Variants in IGFL2 observed in about 807,000 individuals in gnomAD.
IGFL2 encodes the protein insulin growth factor-like family member 2.
Under a neutral mutation model 13.9 loss-of-function variants are expected in IGFL2, and 7 were observed. The observed-to-expected ratio is 0.51, with a 90% CI of 0.29 to 0.95. The LOEUF is 0.95. Ranked by LOEUF, IGFL2 falls within the 40% of genes least tolerant of loss-of-function variation. The pLI is 0.08. For synonymous variants in IGFL2, 55 were observed against 55.8 expected (o/e 0.99, Z 0.07); for missense variants, 138 against 147.8 (o/e 0.93, Z 0.34).
At chr19:46,190,551 C>T in the IGFL2 span, 1 of 152,132 alleles carries the variant, frequency 6.6e-6, no homozygotes, top group East Asian at 1.9e-4. Flanking sequence ...ACATGGATAC[C>T]AAATCTTAAT....
In IGFL2 at chr19:46,152,524, T is replaced by TC. The variant is rs111376143; in HGVS notation, c.19+4229dup. ...GTTTCAAACTTCTGACCTCAAGTGA[T>TC]CCTCCCCACTTGGTCTCCCAAAATG... On this transcript the variant is annotated intron_variant, in intron 1 of 3. Transcript: ENST00000377693. 3.5e-4 allele frequency among the ~76,000 whole-genome samples: 54 copies of TC among 152,312 alleles called. 1 individual carries two copies. Among genetic ancestry groups the TC allele is most frequent in the African/African-American group, 1.2e-3 (48 of 41,558 alleles).
the IGFL2 span, chr19:46,124,016 T>C: frequency 6.2e-7 from 1 of 1,611,418 alleles, no homozygotes; most frequent in Non-Finnish European, 8.5e-7. Context: ...GGCCAGAAGG[T>C]GCAGGTGGAG....
chr19:46,190,800 T>C, the IGFL2 span, among the ~76,000 whole-genome samples: 2,138 of 152,274 alleles, frequency 0.014, 54 homozygotes, highest in African/African-American at 0.047. Context: ...TTTAGGGTAT[T>C]CTGCAAAATC....
the IGFL2 span, chr19:46,198,045 GCCTTCCTTCCTTCCTTTCCTTCCTT>G: frequency 1.1e-5 from 1 of 92,454 alleles, no homozygotes; most frequent in African/African-American, 3.9e-5. Flanking sequence ...CTTCCTTCCT[GCCTTCCTTCCTTCCTTTCCTTCCTT>G]CCTTCCTTCC....
At chr19:46,092,728 G>C in the IGFL2 span, among the ~76,000 whole-genome samples, 1 of 151,594 alleles carries the variant, frequency 6.6e-6, no homozygotes, top group Non-Finnish European at 1.5e-5. Flanking sequence ...TTATCCTCCT[G>C]CCTCAGCCTC....
At chr19:46,201,048 G>A in the IGFL2 span, among the ~76,000 whole-genome samples, 1 of 152,162 alleles carries the variant, frequency 6.6e-6, no homozygotes, top group Non-Finnish European at 1.5e-5. Context: ...TAGTATGGAG[G>A]ACACTACTCT....
chr19:46,171,569 A>G, the IGFL2 span, among the ~76,000 whole-genome samples: 26 of 152,180 alleles, frequency 1.7e-4, no homozygotes, highest in Non-Finnish European at 3.1e-4. Flanking sequence ...ATTAACTCTG[A>G]GTACAATTTA....
At chr19:46,138,917 T>C (rs2146793038), upstream of IGFL2, among the ~76,000 whole-genome samples, 1 of 152,164 alleles carries the variant, frequency 6.6e-6, no homozygotes, top group East Asian at 1.9e-4. Flanking sequence ...CTGTCCATGC[T>C]CCACTGCAGC....
At chr19:46,108,017 C>T in the IGFL2 span, among the ~76,000 whole-genome samples, 3 of 152,270 alleles carry the variant, frequency 2.0e-5, no homozygotes, top group South Asian at 6.2e-4. Context: ...TGGCGGAGGG[C>T]TAGTTGCGGT....
chr19:46,185,203 T>C, the IGFL2 span, among the ~76,000 whole-genome samples: 1 of 152,236 alleles, frequency 6.6e-6, no homozygotes, highest in Non-Finnish European at 1.5e-5. Context: ...GTAGGTTGTC[T>C]GTTCACTCTG....
At chr19:46,211,357 G>A in the IGFL2 span, among the ~76,000 whole-genome samples, 1 of 152,182 alleles carries the variant, frequency 6.6e-6, no homozygotes, top group African/African-American at 2.4e-5. Flanking sequence ...CAGCGGACAG[G>A]CCTCTGGCCT....
At chr19:46,148,020 A>C, upstream of IGFL2, 1 of 456,600 alleles carries the variant, frequency 2.2e-6, no homozygotes, top group Non-Finnish European at 3.9e-6. Flanking sequence ...GAAAGGTTCT[A>C]GGGAAGCCTT....
At chr19:46,197,298 C>T in the IGFL2 span, 6 of 187,946 alleles carry the variant, frequency 3.2e-5, no homozygotes, top group South Asian at 7.7e-4. Flanking sequence ...GAGGTCCTGT[C>T]TCCTCCATGA....
At chr19:46,097,327 A>G in the IGFL2 span, among the ~76,000 whole-genome samples, 1 of 151,976 alleles carries the variant, frequency 6.6e-6, no homozygotes, top group African/African-American at 2.4e-5. Flanking sequence ...TGTTTTTCTG[A>G]TGGCTGTTTG....
At chr19:46,142,768 A>G (rs905828960), upstream of IGFL2, among the ~76,000 whole-genome samples, 1 of 152,238 alleles carries the variant, frequency 6.6e-6, no homozygotes, top group Non-Finnish European at 1.5e-5. Context: ...GACATTGGCT[A>G]ATTGCACTCT....
At chr19:46,213,554 CA>C in the IGFL2 span, 9 of 156,154 alleles carry the variant, frequency 5.8e-5, no homozygotes, top group Non-Finnish European at 1.2e-4. Context: ...GCTCGCTCCC[CA>C]CCCCAAACTC....
chr19:46,180,140 A>C, the IGFL2 span, among the ~76,000 whole-genome samples: 1 of 151,230 alleles, frequency 6.6e-6, no homozygotes, highest in African/African-American at 2.4e-5. Flanking sequence ...CCAAGAAAAC[A>C]CCTGCTTTAC....
chr19:46,163,732 G>A (rs1323853574), downstream of IGFL2, among the ~76,000 whole-genome samples: 2 of 152,074 alleles, frequency 1.3e-5, no homozygotes, highest in African/African-American at 4.8e-5. Flanking sequence ...GCCTAGGCTT[G>A]GAGAATCTGC....
At chr19:46,130,725 G>A in the IGFL2 span, among the ~76,000 whole-genome samples, 4 of 152,104 alleles carry the variant, frequency 2.6e-5, no homozygotes, top group African/African-American at 9.7e-5. Flanking sequence ...TTATTTTTAT[G>A]TTTAATGATG....
Sources: allele counts gnomAD v4.1 joint callset (sites outside exome capture counted in the v4.1 genomes callset), GRCh38; gene constraint gnomAD v4.1.1; transcripts MANE v1.5; gene names NCBI Gene and HGNC (gene_info 2026-07-23, HGNC 2026-07-21).